Variants in PATJ observed in about 807,000 individuals in gnomAD.
The protein encoded by PATJ is inaD-like protein.
PATJ carries 190 observed loss-of-function variants against 224.9 expected under a neutral mutation model. That is an observed-to-expected ratio of 0.84 (90% CI 0.75 to 0.95). The LOEUF is 0.95. Ranked by LOEUF, PATJ falls within the 40% of genes least tolerant of loss-of-function variation. PATJ has a pLI of 0.00. For synonymous variants in PATJ, 769 were observed against 820.3 expected (o/e 0.94, Z 1.07); for missense variants, 2,121 against 2,270.3 (o/e 0.93, Z 1.34).
At chr1:61,794,393 C>T (rs964817489) in intron 9 of PATJ, among the ~76,000 whole-genome samples, 10 of 152,098 alleles carry the variant, frequency 6.6e-5, no homozygotes, top group African/African-American at 2.4e-4. Context: ...GATCCTCCCC[C>T]CTCAGCCTCC....
intron 5 of PATJ, among the ~76,000 whole-genome samples, chr1:61,769,963 TATTTTTTAA>T (rs1646507984): frequency 6.6e-6 from 1 of 152,190 alleles, no homozygotes; most frequent in African/African-American, 2.4e-5. Context: ...CATTTGCTTT[TATTTTTTAA>T]GGGGTATTTG....
intron 13 of PATJ, among the ~76,000 whole-genome samples, chr1:61,807,593 G>A (rs185918648): frequency 3.2e-4 from 48 of 152,332 alleles, no homozygotes; most frequent in Admixed American, 6.5e-4. Context: ...GAAATTTAAA[G>A]TGACAGCTAT....
intron 6 of PATJ, among the ~76,000 whole-genome samples, chr1:61,772,106 G>GTTTT (rs753366748): frequency 4.3e-5 from 5 of 115,340 alleles, no homozygotes; most frequent in South Asian, 3.1e-4. Context: ...CATGACGGTC[G>GTTTT]TTTTTTTTTT....
chr1:62,004,370 C>T (rs1335314643), intron 28 of PATJ, among the ~76,000 whole-genome samples: 1 of 152,110 alleles, frequency 6.6e-6, no homozygotes, highest in Non-Finnish European at 1.5e-5. Flanking sequence ...GAATATTCAA[C>T]ATACCTATTA....
At chr1:62,057,695 T>A (rs1323227381) in intron 31 of PATJ, among the ~76,000 whole-genome samples, 2 of 152,228 alleles carry the variant, frequency 1.3e-5, no homozygotes. Context: ...GTAAAATAAT[T>A]GACGTTTCTT....
At chr1:61,953,751 C>A (rs1024595974) in intron 27 of PATJ, among the ~76,000 whole-genome samples, 1 of 152,180 alleles carries the variant, frequency 6.6e-6, no homozygotes, top group Non-Finnish European at 1.5e-5. Context: ...GCAGTTTATT[C>A]ATTTTCCTTT....
intron 31 of PATJ, among the ~76,000 whole-genome samples, chr1:62,067,078 T>G (rs1465251003): frequency 6.6e-6 from 1 of 151,596 alleles, no homozygotes; most frequent in African/African-American, 2.4e-5. Flanking sequence ...AAATTATGCC[T>G]CTCTTAGCAA....
At chr1:61,946,490 A>G (rs533763046) in intron 27 of PATJ, among the ~76,000 whole-genome samples, 38 of 152,348 alleles carry the variant, frequency 2.5e-4, no homozygotes, top group African/African-American at 8.9e-4. Context: ...ATTCCTGGAC[A>G]CATACACCCT....
Position 61,778,551 on chromosome 1 carries a change from A to G in PATJ, c.849+3217A>G, listed in dbSNP as rs185398351. 2.6e-5 allele frequency among the ~76,000 whole-genome samples: 4 copies of G among 152,320 alleles called. No individual in the cohort carries two copies. The East Asian group carries it at 7.7e-4, about 29-fold the overall frequency. On this transcript the variant is annotated intron_variant, in intron 7 of 43. Coordinates refer to ENST00000642238, the MANE Select transcript of PATJ (RefSeq NM_001350145.3). ...TAATACCCCTCCCCTTTCCAACTAT[A>G]TATCTGATTGAGGCCAGATATTCTT...
At position 62,161,462 on chromosome 1, in the gene PATJ, C is replaced by G. The variant is rs1669837999; in HGVS notation, c.*408C>G. The G allele has an allele frequency of 6.4e-6, 1 of 155,132 alleles. No individual in the cohort carries two copies. Among genetic ancestry groups the G allele is most frequent in the Non-Finnish European group, 1.4e-5 (1 of 70,436 alleles). The allele number at this position is 155,132 out of a possible 1,614,324, so 9.6% of individuals were successfully genotyped here. A position where few individuals can be genotyped will look rare whatever the true frequency, so the allele number is the denominator to read the frequency against. On this transcript the variant is annotated 3_prime_UTR_variant, in exon 44 of 44. Transcript: ENST00000642238. ...GGAGCGATTCTCCTGCCTCAGCCTC[C>G]CGAGTAGCTGGGATTACAGGCATGC...
chr1:62,018,123 TCTTATTTG>T lies in PATJ; in HGVS notation c.3959+182_3959+189del, dbSNP rs1377458741. Among the ~76,000 whole-genome samples, 7 of 152,210 alleles carry T rather than the reference TCTTATTTG, an allele frequency of 4.6e-5. No homozygotes were observed. The highest frequency in any genetic ancestry group is 1.7e-4 in the African/African-American group (7 of 41,456). ...ATTGATTGTTTTGATTATGAGATTG[TCTTATTTG>T]CTTATGTTTCATGGGATAGAATTGG... On this transcript the variant is annotated intron_variant, in intron 29 of 43. Coordinates refer to ENST00000642238, the MANE Select transcript of PATJ (RefSeq NM_001350145.3). The surrounding 1 kb of genome is among the most constrained non-coding windows in gnomAD (Gnocchi z 4.2).
intron 26 of PATJ, among the ~76,000 whole-genome samples, chr1:61,916,116 G>T (rs974719914): frequency 6.6e-6 from 1 of 151,906 alleles, no homozygotes; most frequent in Admixed American, 6.6e-5. Context: ...ACATAAAATT[G>T]ACTTTTATAT....
chr1:61,755,142 C>G (rs1459134385), intron 1 of PATJ, among the ~76,000 whole-genome samples: 1 of 151,708 alleles, frequency 6.6e-6, no homozygotes, highest in African/African-American at 2.4e-5. Context: ...CCCGTCTCTA[C>G]TAAAAATACA....
At chr1:61,757,614 G>A (rs963572020) in intron 1 of PATJ, among the ~76,000 whole-genome samples, 27 of 152,176 alleles carry the variant, frequency 1.8e-4, no homozygotes, top group African/African-American at 6.0e-4. Context: ...TCAGACTCCT[G>A]GGCTCAAGCA....
chr1:62,150,116 T>A (rs1465774229), intron 42 of PATJ, among the ~76,000 whole-genome samples: 2 of 152,190 alleles, frequency 1.3e-5, no homozygotes, highest in Non-Finnish European at 2.9e-5. Context: ...ATCGAATTTG[T>A]ATCCAGCTGG....
chr1:61,749,008 A>T (rs1472014914), intron 1 of PATJ, among the ~76,000 whole-genome samples: 1 of 151,326 alleles, frequency 6.6e-6, no homozygotes. Flanking sequence ...TTCTCCTGAG[A>T]TGGAGTTGCC....
chr1:61,772,730 T>G (rs987642529), intron 6 of PATJ, among the ~76,000 whole-genome samples: 1 of 152,178 alleles, frequency 6.6e-6, no homozygotes, highest in African/African-American at 2.4e-5. Flanking sequence ...AACAAGGGCT[T>G]TGGAGTCAGG....
chr1:61,927,862 A>G, intron 27 of PATJ, 33 bp downstream of exon 27: 1 of 1,381,882 alleles, frequency 7.2e-7, no homozygotes, highest in Non-Finnish European at 1.0e-6. Context: ...GGGTAGATGC[A>G]GAACTTATTA....
At chr1:62,083,176 G>C (rs1051839527) in intron 32 of PATJ, among the ~76,000 whole-genome samples, 1 of 152,208 alleles carries the variant, frequency 6.6e-6, no homozygotes, top group African/African-American at 2.4e-5. Flanking sequence ...GGCCAGGCTA[G>C]AGTGCAATGG....
Sources: allele counts gnomAD v4.1 joint callset (sites outside exome capture counted in the v4.1 genomes callset), GRCh38; gene constraint gnomAD v4.1.1; non-coding constraint Gnocchi (gnomAD v3.1); transcripts MANE v1.5; gene names NCBI Gene and HGNC (gene_info 2026-07-23, HGNC 2026-07-21).